NPHP1: variants seen among roughly 807,000 people sequenced by gnomAD.
The protein encoded by NPHP1 is nephrocystin-1.
NPHP1 carries 70 observed loss-of-function variants against 90.4 expected under a neutral mutation model. The ratio of observed to expected loss-of-function variants is 0.77; its 90% CI spans 0.64 to 0.95. The LOEUF is 0.95. NPHP1 is among the 40% of genes least tolerant of loss of function. The probability of loss-of-function intolerance (pLI) is 0.00; values close to 1 mark genes in which losing one functional copy is unlikely to be tolerated. For synonymous variants in NPHP1, 256 were observed against 271.7 expected (o/e 0.94, Z 0.57); for missense variants, 764 against 795.9 (o/e 0.96, Z 0.48).
chr2:110,186,482 A>G (rs1189597519), intron 2 of NPHP1, among the ~76,000 whole-genome samples: 1 of 152,086 alleles, frequency 6.6e-6, no homozygotes, highest in Non-Finnish European at 1.5e-5. Context: ...GAGTGCCAGG[A>G]GCTAATGGAG....
At chr2:110,160,827 T>C (rs117495889) in intron 10 of NPHP1, among the ~76,000 whole-genome samples, 1 of 152,276 alleles carries the variant, frequency 6.6e-6, no homozygotes, top group East Asian at 1.9e-4. Flanking sequence ...CTTCAATTCA[T>C]TAAACTTTAC....
intron 2 of NPHP1, chr2:110,185,103 C>A: frequency 1.7e-6 from 1 of 587,884 alleles, no homozygotes; most frequent in South Asian, 1.4e-5. Context: ...GCCTCCATGA[C>A]ACCTTTAAGA....
At position 110,129,276 on chromosome 2, in the gene NPHP1, CAGAA is replaced by C. The variant is rs752934898; in HGVS notation, c.1643-21_1643-18del. ...TAATTAAATCTGAAATGCAAAACAA[CAGAA>C]AGAATTTTATGCAAACTTCACTCAA... On this transcript the variant is annotated intron_variant, in intron 17 of 19. Coordinates refer to ENST00000445609, the MANE Select transcript of NPHP1 (RefSeq NM_001128178.3). 2.5e-6 allele frequency: 4 copies of C among 1,599,526 alleles called. No homozygotes were observed. The highest frequency in any genetic ancestry group is 1.7e-5 in the Admixed American group (1 of 59,920).
At chr2:110,178,643 A>T in intron 3 of NPHP1, 96 bp from the exon 4 acceptor site, 1 of 1,098,002 alleles carries the variant, frequency 9.1e-7, no homozygotes, top group South Asian at 1.5e-5. Context: ...CTATATAACA[A>T]AGTAAATATC....
chr2:110,156,329 T>C (rs1007513787), intron 11 of NPHP1, among the ~76,000 whole-genome samples: 9 of 152,150 alleles, frequency 5.9e-5, no homozygotes, highest in Non-Finnish European at 1.2e-4. Flanking sequence ...GCACAATCTC[T>C]GTTCTCTTGT....
chr2:110,125,985 G>A, intron 18 of NPHP1: 3 of 412,594 alleles, frequency 7.3e-6, no homozygotes, highest in Admixed American at 3.8e-5. Context: ...CACAGCACCT[G>A]AATAATAAAA....
Position 110,123,528 on chromosome 2 carries a change from ATTAAC to A in NPHP1, c.*258_*262del, listed in dbSNP as rs1679126058. The A allele has an allele frequency of 8.3e-6, 3 of 360,324 alleles. No homozygotes were observed. Among genetic ancestry groups the A allele is most frequent in the Non-Finnish European group, 1.5e-5 (3 of 200,728 alleles). 22.3% of individuals were successfully genotyped at this position (360,324 alleles called of 1,614,324 possible). A position where few individuals can be genotyped will look rare whatever the true frequency, so the allele number is the denominator to read the frequency against. On this transcript the variant is annotated 3_prime_UTR_variant, in exon 20 of 20. Transcript: ENST00000445609. The stretch of plus-strand genomic sequence containing the variant: ...TCTTGCTTTTATAGAAATCTATACC[ATTAAC>A]TTAAGTAGCTGTTTTTGAAAAAATA...
intron 4 of NPHP1, among the ~76,000 whole-genome samples, chr2:110,171,057 T>G (rs1202759349): frequency 3.3e-5 from 5 of 152,050 alleles, no homozygotes; most frequent in Non-Finnish European, 7.4e-5. Context: ...GGGAACAGAT[T>G]AGAAGAAAGG....
intron 2 of NPHP1, among the ~76,000 whole-genome samples, chr2:110,190,542 C>T (rs550860582): frequency 5.9e-5 from 9 of 152,332 alleles, no homozygotes; most frequent in East Asian, 3.9e-4. Context: ...CCACAAGCAC[C>T]GTGTGCAGGC....
chr2:110,171,404 C>T (rs928733032), intron 4 of NPHP1, among the ~76,000 whole-genome samples: 1 of 152,050 alleles, frequency 6.6e-6, no homozygotes, highest in Non-Finnish European at 1.5e-5. Context: ...TGCAAATGAA[C>T]ATCATTAACT....
In NPHP1 at chr2:110,191,463, T is replaced by C. The variant is rs1487623185; in HGVS notation, c.143+9958A>G. Among the ~76,000 whole-genome samples, 5 of 151,542 alleles carry C rather than the reference T, an allele frequency of 3.3e-5. No individual in the cohort carries two copies. In the East Asian group the frequency reaches 9.7e-4, roughly 29 times the overall value. ...AAACTGCAAGGCAGCAGCGAGGCTG[T>C]TTGTTAGCCATTGCCGAGGCTTGAG... On this transcript the variant is annotated intron_variant, in intron 2 of 19. Coordinates refer to ENST00000445609, the MANE Select transcript of NPHP1 (RefSeq NM_001128178.3).
At chr2:110,189,351 G>A (rs142692122) in intron 2 of NPHP1, among the ~76,000 whole-genome samples, 6,496 of 152,102 alleles carry the variant, frequency 0.043, 455 homozygotes, top group African/African-American at 0.15. Flanking sequence ...TGGTGGGTTC[G>A]TGGTCTCGCT....
At chr2:110,129,961 C>T (rs762546138) in intron 17 of NPHP1, among the ~76,000 whole-genome samples, 3 of 152,136 alleles carry the variant, frequency 2.0e-5, no homozygotes, top group Non-Finnish European at 2.9e-5. Flanking sequence ...TCTCCAAGTT[C>T]TGGAGGCTGG....
At position 110,169,886 on chromosome 2, in the gene NPHP1, A is replaced by G. The variant is rs761416341; in HGVS notation, c.442T>C (p.Ser148Pro). Residue 148 changes from serine (S) to proline (P), a missense_variant, in exon 5 of 20, where the codon TCT becomes CCT. Ser to Pro is a moderately conservative substitution (Grantham distance 74). Transcript: ENST00000445609. ...EEEEEKEENE[S>P]HKWSTGEEYI... ...TCTTCACCGGTTGACCATTTGTGAG[A>G]TTCATTTTCCTCTTTCTCTTCCTCT... 2 of 1,613,016 alleles carry G rather than the reference A, an allele frequency of 1.2e-6. No homozygotes were observed.
At chr2:110,163,274 G>A in intron 8 of NPHP1, 139 bp from the exon 9 acceptor site, 2 of 695,672 alleles carry the variant, frequency 2.9e-6, no homozygotes, top group Non-Finnish European at 5.1e-6. Context: ...ATACGATTTG[G>A]CCCCAAATTC....
rs759193940 is a variant in NPHP1 at position 110,204,950 on chromosome 2, G to C, written c.19C>G (p.Arg7Gly). MLARRQ[R>G]DPLQALRRRN... ...CGCCGCAGGGCCTGGAGAGGATCTCGCTGTCGTCTCGCCAGCATCTCCCTG... is the reference window on the plus strand; with the variant it reads ...CGCCGCAGGGCCTGGAGAGGATCTCCCTGTCGTCTCGCCAGCATCTCCCTG... The change falls in exon 1 of 20, where the codon CGA becomes GGA. Residue 7 changes from arginine (R) to glycine (G), a missense_variant. Coordinates refer to ENST00000445609, the MANE Select transcript of NPHP1 (RefSeq NM_001128178.3). The C allele has an allele frequency of 9.9e-6, 16 of 1,613,906 alleles. No homozygotes were observed. Among genetic ancestry groups the C allele is most frequent in the Non-Finnish European group, 1.3e-5 (15 of 1,179,938 alleles).
At chr2:110,174,200 T>A (rs936524650) in intron 4 of NPHP1, among the ~76,000 whole-genome samples, 1 of 152,258 alleles carries the variant, frequency 6.6e-6, no homozygotes, top group East Asian at 1.9e-4. Context: ...TTTGTTGTAA[T>A]TGGAGTGTTA....
chr2:110,144,271 C>CTCATTCTTCATGATT, intron 15 of NPHP1: 1 of 546,360 alleles, frequency 1.8e-6, no homozygotes, highest in Non-Finnish European at 3.3e-6. Flanking sequence ...TGCATTAGTT[C>CTCATTCTTCATGATT]TCATTCTTCA....
In NPHP1 at chr2:110,197,063, A is replaced by C. The variant is rs149022651; in HGVS notation, c.143+4358T>G. Among the ~76,000 whole-genome samples the C allele has an allele frequency of 1.9e-3, 282 of 152,268 alleles. 1 individual carries two copies. Among genetic ancestry groups the C allele is most frequent in the African/African-American group, 6.6e-3 (275 of 41,570 alleles). On this transcript the variant is annotated intron_variant, in intron 2 of 19. Coordinates refer to ENST00000445609, the MANE Select transcript of NPHP1 (RefSeq NM_001128178.3). ...CAAACTCCGCATGTTCTCACTTATA[A>C]GTGGGAGCTGAATGATGAGAACACA... is the stretch of plus-strand genomic sequence containing the variant.
Sources: allele counts gnomAD v4.1 joint callset (sites outside exome capture counted in the v4.1 genomes callset), GRCh38; gene constraint gnomAD v4.1.1; transcripts MANE v1.5; gene names NCBI Gene and HGNC (gene_info 2026-07-23, HGNC 2026-07-21).